Variants in FAM184A observed in about 807,000 individuals in gnomAD.
The protein encoded by FAM184A is protein FAM184A.
A neutral mutation model predicts 143.8 loss-of-function variants in FAM184A; 99 were observed. That is an observed-to-expected ratio of 0.69 (90% CI 0.58 to 0.81). The LOEUF (loss-of-function observed/expected upper bound fraction) is 0.81. FAM184A is among the 40% of genes least tolerant of loss of function. The pLI is 0.00. For missense variants in FAM184A, 1,217 were observed against 1,310.5 expected (o/e 0.93, Z 1.10); for synonymous variants, 427 against 446.4 (o/e 0.96, Z 0.55).
rs529996294 is a variant in FAM184A, at chr6:119,129,133, G to A, written c.-202+19945C>T. Among the ~76,000 whole-genome samples, 8 of 152,196 alleles carry A rather than the reference G, an allele frequency of 5.3e-5. No homozygotes were observed. In the South Asian group the frequency reaches 1.0e-3, roughly 20 times the overall value. ...TGGAAGCCCCTCTCTCCCAGATGTC[G>A]CACCTTTCCAGGTCGAACCAATGTG... On this transcript the variant is annotated intron_variant, in intron 1 of 16. Coordinates refer to the FAM184A transcript ENST00000352896.
chr6:118,991,938 A>AT (rs895274312), intron 9 of FAM184A, among the ~76,000 whole-genome samples: 3 of 150,100 alleles, frequency 2.0e-5, no homozygotes, highest in Admixed American at 1.3e-4. Flanking sequence ...AATTTTTTGT[A>AT]TTTTTTTAGT....
At chr6:119,136,531 A>G (rs1789671844) in intron 1 of FAM184A, among the ~76,000 whole-genome samples, 1 of 152,204 alleles carries the variant, frequency 6.6e-6, no homozygotes, top group South Asian at 2.1e-4. Flanking sequence ...AACCAAATCC[A>G]AATCTGACTA....
At chr6:118,966,721 C>G in intron 15 of FAM184A, 114 bp downstream of exon 15, 1 of 495,360 alleles carries the variant, frequency 2.0e-6, no homozygotes, top group Non-Finnish European at 3.6e-6. Flanking sequence ...TCACAATGCA[C>G]ATGTTCTGTG....
intron 9 of FAM184A, among the ~76,000 whole-genome samples, chr6:118,981,151 T>C (rs1328491755): frequency 6.6e-6 from 1 of 152,152 alleles, no homozygotes; most frequent in East Asian, 1.9e-4. Flanking sequence ...CTTCTAGATG[T>C]CTTAATATAC....
At chr6:118,984,009 G>T (rs1227837518) in intron 9 of FAM184A, among the ~76,000 whole-genome samples, 2 of 150,620 alleles carry the variant, frequency 1.3e-5, no homozygotes, top group South Asian at 2.1e-4. Context: ...AATTAGCCGG[G>T]AGTGGTGGCG....
At chr6:118,994,104 C>T (rs1474424323) in intron 9 of FAM184A, among the ~76,000 whole-genome samples, 5 of 152,110 alleles carry the variant, frequency 3.3e-5, no homozygotes, top group Non-Finnish European at 5.9e-5. Flanking sequence ...CATTTAGAGA[C>T]GCCTTCCCCA....
At chr6:118,971,306 A>C (rs1783689223) in intron 14 of FAM184A, among the ~76,000 whole-genome samples, 1 of 152,240 alleles carries the variant, frequency 6.6e-6, no homozygotes, top group South Asian at 2.1e-4. Flanking sequence ...TAAACAAAAA[A>C]TTAGTAATTC....
chr6:119,089,705 C>T (rs931302043), intron 1 of FAM184A, among the ~76,000 whole-genome samples: 3 of 152,162 alleles, frequency 2.0e-5, no homozygotes, highest in African/African-American at 7.2e-5. Flanking sequence ...ACACCCAAAG[C>T]ATGGTACACA....
At chr6:119,057,399 A>T (rs1383105737) in intron 1 of FAM184A, among the ~76,000 whole-genome samples, 4 of 152,166 alleles carry the variant, frequency 2.6e-5, no homozygotes, top group Non-Finnish European at 5.9e-5. Context: ...TACAGGACTG[A>T]GGAAAAGCAA....
At chr6:118,993,302 T>C (rs1481026651) in intron 9 of FAM184A, among the ~76,000 whole-genome samples, 1 of 152,212 alleles carries the variant, frequency 6.6e-6, no homozygotes, top group African/African-American at 2.4e-5. Context: ...AATGAGACGT[T>C]GAGATAAGTG....
chr6:119,021,920 G>C (rs1785459105), intron 3 of FAM184A, among the ~76,000 whole-genome samples: 1 of 152,104 alleles, frequency 6.6e-6, no homozygotes, highest in South Asian at 2.1e-4. Context: ...AGGCTACAGT[G>C]AGTTGTGTTC....
chr6:119,061,128 G>C (rs956049307), intron 1 of FAM184A, among the ~76,000 whole-genome samples: 2 of 152,166 alleles, frequency 1.3e-5, no homozygotes, highest in Non-Finnish European at 2.9e-5. Flanking sequence ...CCCATGGACT[G>C]TGTCTCTTCA....
Position 118,980,139 on chromosome 6 carries a change from C to T in FAM184A, c.2300G>A (p.Arg767Lys). 1 of 1,612,794 alleles carries T rather than the reference C, an allele frequency of 6.2e-7. No homozygotes were observed. Among genetic ancestry groups the T allele is most frequent in the Non-Finnish European group, 8.5e-7 (1 of 1,178,836 alleles). Residue 767 changes from arginine to lysine, a missense_variant and splice_region_variant, in exon 10 of 18, where the codon AGA becomes AAA. Transcript: ENST00000338891. ...GAACGTATGTCACATAAAACTTACT[C>T]TTTGCTCCTTTTCCTTTTCCTCTTC... ...TMEEEKEKEQ[R>K]ALENHLQQKH...
intron 1 of FAM184A, among the ~76,000 whole-genome samples, chr6:119,071,432 A>G (rs1310301075): frequency 6.6e-6 from 1 of 152,244 alleles, no homozygotes; most frequent in Non-Finnish European, 1.5e-5. Context: ...AAACCTGTTA[A>G]TAAAAACATG....
At chr6:119,108,021 G>C (rs933821450) in intron 1 of FAM184A, among the ~76,000 whole-genome samples, 2 of 152,018 alleles carry the variant, frequency 1.3e-5, no homozygotes, top group South Asian at 2.1e-4. Flanking sequence ...GCGTGACTAG[G>C]GTTCTCCAGA....
At chr6:119,054,704 C>A (rs1237100495) in intron 1 of FAM184A, among the ~76,000 whole-genome samples, 2 of 152,166 alleles carry the variant, frequency 1.3e-5, no homozygotes, top group Admixed American at 6.5e-5. Context: ...TTTATCTTAA[C>A]CGTCACTAAA....
chr6:119,130,553 T>C (rs1429799505), intron 1 of FAM184A, among the ~76,000 whole-genome samples: 1 of 152,198 alleles, frequency 6.6e-6, no homozygotes, highest in Non-Finnish European at 1.5e-5. Context: ...AAGATACTCA[T>C]TGATTTATAG....
chr6:119,108,844 C>T (rs753583931), intron 1 of FAM184A, among the ~76,000 whole-genome samples: 15 of 152,132 alleles, frequency 9.9e-5, no homozygotes, highest in Non-Finnish European at 1.8e-4. Context: ...ATAATCTCCA[C>T]GCTCCAGGAA....
chr6:118,983,863 T>C (rs903847497), intron 9 of FAM184A, among the ~76,000 whole-genome samples: 1 of 151,898 alleles, frequency 6.6e-6, no homozygotes, highest in Non-Finnish European at 1.5e-5. Flanking sequence ...ATTAAAAATA[T>C]ATGGGCCGGG....
Sources: allele counts gnomAD v4.1 joint callset (sites outside exome capture counted in the v4.1 genomes callset), GRCh38; gene constraint gnomAD v4.1.1; transcripts MANE v1.5; gene names NCBI Gene and HGNC (gene_info 2026-07-23, HGNC 2026-07-21).